The following TENM3 variants were observed in gnomAD, a reference collection of about 807,000 sequenced individuals.
The protein encoded by TENM3 is teneurin-3.
In TENM3, 63 loss-of-function variants were observed where a neutral mutation model predicts 255.1. The ratio of observed to expected loss-of-function variants is 0.25; its 90% CI spans 0.20 to 0.30. The LOEUF (loss-of-function observed/expected upper bound fraction) is 0.30. TENM3 is among the 10% of genes least tolerant of loss of function. The pLI, the probability that TENM3 is intolerant of heterozygous loss-of-function variation, is 1.00. For synonymous variants in TENM3, 1,306 were observed against 1,322.3 expected (o/e 0.99, Z 0.27); for missense variants, 2,929 against 3,461.1 (o/e 0.85, Z 3.86).
chr4:182,162,776 G>A (rs1406248749), intron 1 of TENM3, among the ~76,000 whole-genome samples: 1 of 152,140 alleles, frequency 6.6e-6, no homozygotes, highest in African/African-American at 2.4e-5. Flanking sequence ...CACAAAGGAT[G>A]GAAGTGCAAA....
chr4:182,514,680 A>G (rs149703650), intron 3 of TENM3, among the ~76,000 whole-genome samples: 3 of 152,256 alleles, frequency 2.0e-5, no homozygotes, highest in African/African-American at 7.2e-5. Flanking sequence ...GCTGTAAGCC[A>G]CTAAATTGAG....
the TENM3 span, among the ~76,000 whole-genome samples, chr4:182,033,764 G>T: frequency 6.6e-6 from 1 of 152,102 alleles, no homozygotes; most frequent in Non-Finnish European, 1.5e-5. Flanking sequence ...TCTTCTTGTT[G>T]CATTGAACCT....
chr4:182,243,727 A>G (rs994479027), intron 1 of TENM3, among the ~76,000 whole-genome samples: 6 of 152,172 alleles, frequency 3.9e-5, no homozygotes, highest in Admixed American at 3.3e-4. Context: ...AAATACTGTG[A>G]ACTATTCAGC....
chr4:182,409,385 CATAT>C (rs1230260643), intron 3 of TENM3, among the ~76,000 whole-genome samples: 1 of 152,184 alleles, frequency 6.6e-6, no homozygotes, highest in Non-Finnish European at 1.5e-5. Context: ...TTACAAGGAG[CATAT>C]TTCCTTTCAT....
chr4:182,714,857 G>T (rs1759030608), intron 13 of TENM3, among the ~76,000 whole-genome samples: 2 of 152,096 alleles, frequency 1.3e-5, no homozygotes, highest in Non-Finnish European at 1.5e-5. Flanking sequence ...TCCAGTGATG[G>T]AATAGTTGGC....
At chr4:182,399,020 T>G (rs934826653) in intron 3 of TENM3, among the ~76,000 whole-genome samples, 8 of 152,206 alleles carry the variant, frequency 5.3e-5, no homozygotes, top group African/African-American at 1.9e-4. Flanking sequence ...GAACTCGGTC[T>G]TGTGATGGAT....
At chr4:181,526,704 G>T in the TENM3 span, among the ~76,000 whole-genome samples, 1 of 152,080 alleles carries the variant, frequency 6.6e-6, no homozygotes, top group African/African-American at 2.4e-5. Context: ...ATTTGTAATT[G>T]GGACTTTATA....
At chr4:181,555,998 G>A in the TENM3 span, among the ~76,000 whole-genome samples, 1,726 of 152,208 alleles carry the variant, frequency 0.011, 41 homozygotes, top group African/African-American at 0.039. Context: ...ACTTTGACAA[G>A]TTCAAAAAGC....
At chr4:181,818,645 T>C in the TENM3 span, among the ~76,000 whole-genome samples, 19 of 151,146 alleles carry the variant, frequency 1.3e-4, no homozygotes, top group Non-Finnish European at 5.9e-5. Context: ...GTTTAGCTAT[T>C]GTCACCCAGG....
At chr4:182,086,990 A>C in the TENM3 span, among the ~76,000 whole-genome samples, 1 of 152,138 alleles carries the variant, frequency 6.6e-6, no homozygotes, top group Non-Finnish European at 1.5e-5. Flanking sequence ...GAATATTTTG[A>C]GTTCTTACCA....
At chr4:182,785,030 G>T (rs968609333) in intron 24 of TENM3, among the ~76,000 whole-genome samples, 1 of 152,150 alleles carries the variant, frequency 6.6e-6, no homozygotes, top group Non-Finnish European at 1.5e-5. Context: ...CTCTCATGCT[G>T]GGAGCTGTAG....
intron 18 of TENM3, among the ~76,000 whole-genome samples, chr4:182,740,610 A>C (rs1761528615): frequency 6.6e-6 from 1 of 152,160 alleles, no homozygotes; most frequent in Admixed American, 6.6e-5. Context: ...ACAGGATTTC[A>C]CTCAAGAGAT....
intron 3 of TENM3, among the ~76,000 whole-genome samples, chr4:182,569,414 C>T (rs1234547249): frequency 1.3e-5 from 2 of 151,856 alleles, no homozygotes; most frequent in African/African-American, 4.8e-5. Flanking sequence ...ATAAGCCGGG[C>T]GTGGTGACAT....
At chr4:182,228,069 C>T (rs768890200) in intron 1 of TENM3, among the ~76,000 whole-genome samples, 11 of 151,892 alleles carry the variant, frequency 7.2e-5, no homozygotes, top group Middle Eastern at 6.8e-3. Context: ...TAACCAGGAG[C>T]GGGTTGGGGC....
chr4:182,067,238 C>A, the TENM3 span, among the ~76,000 whole-genome samples: 1 of 152,118 alleles, frequency 6.6e-6, no homozygotes, highest in African/African-American at 2.4e-5. Context: ...TTGAGTGATG[C>A]TGAAATACAA....
At chr4:181,761,674 G>A in the TENM3 span, among the ~76,000 whole-genome samples, 420 of 152,224 alleles carry the variant, frequency 2.8e-3, no homozygotes, top group Non-Finnish European at 5.1e-3. Context: ...TCACAAAGAT[G>A]TTTGAAGAAA....
chr4:181,608,328 A>C, the TENM3 span, among the ~76,000 whole-genome samples: 5 of 152,224 alleles, frequency 3.3e-5, no homozygotes, highest in South Asian at 2.1e-4. Context: ...TTGTTTTGAC[A>C]AATTGAAATC....
At chr4:181,831,951 A>AAT in the TENM3 span, among the ~76,000 whole-genome samples, 1,560 of 138,432 alleles carry the variant, frequency 0.011, 27 homozygotes, top group African/African-American at 0.039. Context: ...TCTATACAGT[A>AAT]ATATATATAT....
chr4:182,778,699 A>G (rs7688525), intron 24 of TENM3, among the ~76,000 whole-genome samples: 11,763 of 152,220 alleles, frequency 0.077, 1,576 homozygotes, highest in African/African-American at 0.27. Flanking sequence ...TCCCAACATC[A>G]AAGTGATGTT....
Sources: gnomAD v4.1 joint callset for allele counts (sites outside exome capture counted in the v4.1 genomes callset) on GRCh38, gnomAD v4.1.1 for gene constraint, MANE v1.5 for transcripts, NCBI Gene and HGNC (gene_info 2026-07-23, HGNC 2026-07-21) for gene names.